The following AK5 variants were observed in gnomAD, a reference collection of about 807,000 sequenced individuals.
AK5 encodes adenylate kinase 5, also known as adenylate kinase isoenzyme 5.
In AK5, 27 loss-of-function variants were observed where a neutral mutation model predicts 69.5. The observed-to-expected ratio is 0.39, with a 90% CI of 0.29 to 0.54. The LOEUF (loss-of-function observed/expected upper bound fraction) is 0.54, where lower values mean the gene tolerates loss of function less well. Among genes scored for constraint, AK5 ranks in the 20% least tolerant of loss-of-function variants. The pLI, the probability that AK5 is intolerant of heterozygous loss-of-function variation, is 0.71. For missense variants in AK5, 531 were observed against 700.4 expected, an observed-to-expected ratio of 0.76 and a Z score of 2.73; for synonymous variants, 260 against 244.4, an observed-to-expected ratio of 1.06 and a Z score of -0.60.
chr1:77,525,447 G>A (rs574950984), intron 12 of AK5, among the ~76,000 whole-genome samples: 8 of 152,336 alleles, frequency 5.3e-5, no homozygotes, highest in Non-Finnish European at 1.0e-4. Context: ...ATTGACATCT[G>A]CTTCTGGTGA....
chr1:77,293,796 T>A lies in AK5; in HGVS notation c.251T>A (p.Met84Lys). ...AAGTTATCTTACTCTTTTGCAGTAA[T>A]GCCTGAAAACTCAAACTTTCCATAT... Reference protein sequence around the residue: ...QSRRSFLRNVMPENSNFPYRR... With the variant: ...QSRRSFLRNVKPENSNFPYRR... The change falls in exon 3 of 14, where the codon ATG becomes AAG. Residue 84 changes from methionine (M) to lysine (K), a missense_variant. By Grantham distance (95) the Met-to-Lys change is moderately conservative. Coordinates refer to ENST00000354567, the MANE Select transcript of AK5 (RefSeq NM_174858.3). 2 of 1,600,440 alleles carry A rather than the reference T, an allele frequency of 1.2e-6. No homozygotes were observed. The highest frequency in any genetic ancestry group is 1.7e-6 in the Non-Finnish European group (2 of 1,175,154).
At chr1:77,312,391 G>T (rs1660008840) in intron 5 of AK5, among the ~76,000 whole-genome samples, 1 of 152,078 alleles carries the variant, frequency 6.6e-6, no homozygotes, top group African/African-American at 2.4e-5. Context: ...GAGGCAGGTG[G>T]ATGACTTGAG....
chr1:77,340,628 G>C, intron 6 of AK5, 60 bp downstream of exon 6: 1 of 1,495,712 alleles, frequency 6.7e-7, no homozygotes, highest in Middle Eastern at 1.9e-4. Context: ...TTTCTCATTA[G>C]CCCATGTTCT....
At chr1:77,383,284 A>G (rs1053285254) in intron 6 of AK5, among the ~76,000 whole-genome samples, 1 of 152,302 alleles carries the variant, frequency 6.6e-6, no homozygotes, top group South Asian at 2.1e-4. Flanking sequence ...AAACAAGAGT[A>G]CACTTTAGTG....
chr1:77,378,431 C>CT (rs1333107632), intron 6 of AK5, among the ~76,000 whole-genome samples: 1 of 152,178 alleles, frequency 6.6e-6, no homozygotes, highest in Non-Finnish European at 1.5e-5. Flanking sequence ...AAGTGATTCT[C>CT]TTGCCTCAGC....
intron 10 of AK5, among the ~76,000 whole-genome samples, chr1:77,492,942 GA>G (rs1557632943): frequency 1.3e-5 from 2 of 152,168 alleles, no homozygotes; most frequent in Admixed American, 1.3e-4. Context: ...CTTTGAACTG[GA>G]CTATCAAGGT....
At chr1:77,333,132 G>A (rs1181032178) in intron 5 of AK5, among the ~76,000 whole-genome samples, 1 of 152,076 alleles carries the variant, frequency 6.6e-6, no homozygotes, top group African/African-American at 2.4e-5. Context: ...GCTTTCTGTT[G>A]TTTAGTGTCT....
At position 77,340,358 on chromosome 1, in the gene AK5, T is replaced by C; in HGVS notation, c.700-19T>C. 6.2e-7 allele frequency: 1 copy of C among 1,603,056 alleles called. No individual in the cohort carries two copies. The highest frequency in any genetic ancestry group is 8.5e-7 in the Non-Finnish European group (1 of 1,172,562). On this transcript the variant is annotated intron_variant, in intron 5 of 13. Coordinates refer to ENST00000354567, the MANE Select transcript of AK5 (RefSeq NM_174858.3). ...GTTGGTATGTTGAATGCCTCTCTAT[T>C]TGTTGATGCTCTCCACAGATCTGTA... is the stretch of plus-strand genomic sequence containing the variant.
chr1:77,515,650 C>T (rs2100302050), intron 10 of AK5, among the ~76,000 whole-genome samples: 1 of 152,270 alleles, frequency 6.6e-6, no homozygotes, highest in East Asian at 1.9e-4. Context: ...GCGCTGTTTA[C>T]AGCATTGGCT....
intron 10 of AK5, among the ~76,000 whole-genome samples, chr1:77,503,802 G>A (rs1044431916): frequency 1.3e-5 from 2 of 152,040 alleles, no homozygotes; most frequent in African/African-American, 2.4e-5. Flanking sequence ...CTACTCAGAA[G>A]GCTGAGGCAG....
At chr1:77,306,166 A>G (rs1361594872) in intron 5 of AK5, among the ~76,000 whole-genome samples, 1 of 152,140 alleles carries the variant, frequency 6.6e-6, no homozygotes, top group African/African-American at 2.4e-5. Flanking sequence ...TTCCAATCTT[A>G]GAGGAAAGGC....
chr1:77,549,118 C>T (rs1029298607), intron 13 of AK5, among the ~76,000 whole-genome samples: 2 of 151,870 alleles, frequency 1.3e-5, no homozygotes, highest in Non-Finnish European at 2.9e-5. Context: ...TCAGGTGATC[C>T]GCCCTCCTCG....
intron 11 of AK5, among the ~76,000 whole-genome samples, chr1:77,519,328 T>C (rs1393764427): frequency 6.6e-6 from 1 of 152,162 alleles, no homozygotes; most frequent in East Asian, 1.9e-4. Flanking sequence ...GATTTCTCTA[T>C]AACCAGCTGC....
chr1:77,363,168 C>G (rs1318627276), intron 6 of AK5, among the ~76,000 whole-genome samples: 1 of 152,176 alleles, frequency 6.6e-6, no homozygotes, highest in Non-Finnish European at 1.5e-5. Context: ...TTCTCAGCCC[C>G]CAACACATAC....
chr1:77,429,084 C>T (rs546741640), intron 8 of AK5, among the ~76,000 whole-genome samples: 1 of 152,246 alleles, frequency 6.6e-6, no homozygotes, highest in South Asian at 2.1e-4. Context: ...GTCTTTATAG[C>T]TGCATGATTT....
intron 10 of AK5, among the ~76,000 whole-genome samples, chr1:77,493,334 C>CA (rs201672691): frequency 1.3e-5 from 2 of 151,784 alleles, no homozygotes; most frequent in South Asian, 2.1e-4. Context: ...AGCAGCCCCC[C>CA]CCAGGTTCTC....
chr1:77,552,539 GA>G (rs1659873403), intron 13 of AK5, among the ~76,000 whole-genome samples: 2 of 152,184 alleles, frequency 1.3e-5, no homozygotes, highest in Non-Finnish European at 2.9e-5. Context: ...AGGTAATACA[GA>G]AAGAGCCTTT....
chr1:77,324,673 CA>C (rs1660703316), intron 5 of AK5, among the ~76,000 whole-genome samples: 1 of 149,506 alleles, frequency 6.7e-6, no homozygotes, highest in African/African-American at 2.5e-5. Context: ...CTGAATCTAC[CA>C]AGACATTTAT....
At chr1:77,285,831 T>TA (rs1007369218) in intron 1 of AK5, among the ~76,000 whole-genome samples, 3 of 152,174 alleles carry the variant, frequency 2.0e-5, no homozygotes, top group African/African-American at 7.2e-5. Context: ...GAGTCTCAGT[T>TA]AGACTTGAGC....
Sources: allele counts gnomAD v4.1 joint callset (sites outside exome capture counted in the v4.1 genomes callset), GRCh38; gene constraint gnomAD v4.1.1; transcripts MANE v1.5; gene names NCBI Gene and HGNC (gene_info 2026-07-23, HGNC 2026-07-21).